Variants in RALGDS observed in about 807,000 individuals in gnomAD.
The protein encoded by RALGDS is ral guanine nucleotide exchange factor.
In RALGDS, 44 loss-of-function variants were observed where a neutral mutation model predicts 99.8. The observed-to-expected ratio is 0.44, with a 90% CI of 0.35 to 0.57. The LOEUF (loss-of-function observed/expected upper bound fraction) is 0.57. Among genes scored for constraint, RALGDS ranks in the 20% least tolerant of loss-of-function variants. The probability of loss-of-function intolerance (pLI) is 0.01; values close to 1 mark genes in which losing one functional copy is unlikely to be tolerated. For missense variants in RALGDS, 1,022 were observed against 1,203.1 expected, an observed-to-expected ratio of 0.85 and a Z score of 2.23; for synonymous variants, 529 against 505.0, an observed-to-expected ratio of 1.05 and a Z score of -0.64.
intron 8 of RALGDS, among the ~76,000 whole-genome samples, chr9:133,106,282 G>C (rs1831050490): frequency 1.3e-5 from 2 of 152,094 alleles, no homozygotes; most frequent in African/African-American, 4.8e-5. Flanking sequence ...AGGCTGGAGT[G>C]CAGTGGCCAG....
At chr9:133,149,023 G>A in exon 1 of RALGDS, 4 of 1,523,516 alleles carry the variant, frequency 2.6e-6, no homozygotes, top group Admixed American at 2.0e-5. Context: ...GGCGGGACCC[G>A]GGGCTCGCAG....
At position 133,106,667 on chromosome 9, in the gene RALGDS, T is replaced by C; in HGVS notation, c.1495A>G (p.Lys499Glu). ...CACCTGGAAACGTCTTCCCACGTCT[T>C]CTTCAGACGGTGGATGGAGTTGCTC... is the stretch of plus-strand genomic sequence containing the variant. ...LQSNSIHRLK[K>E]TWEDVSRDSF... Residue 499 changes from lysine to glutamate, a missense_variant, in exon 8 of 18, where the codon AAG (lysine) becomes GAG (glutamate). By Grantham distance (56) the Lys-to-Glu change is moderately conservative (BLOSUM62 1). This residue lies in a region of RALGDS where 825 missense variants were observed against 994.5 expected (regional missense o/e 0.83). Transcript: ENST00000372050. The C allele has an allele frequency of 6.2e-7, 1 of 1,611,456 alleles. No homozygotes were observed. The highest frequency in any genetic ancestry group is 1.7e-4 in the Middle Eastern group (1 of 6,056).
chr9:133,110,433 C>T lies in RALGDS; in HGVS notation c.351G>A (p.Lys117=). The change falls in exon 3 of 18, where the codon AAG becomes AAA. Residue 117 remains lysine, a synonymous_variant. Coordinates refer to ENST00000372050, the MANE Select transcript of RALGDS (RefSeq NM_006266.4). ...CCACCAGCTTCTCCAGCGTGCCAGC[C>T]TTCACGGTCCGCACCTTGCAAGTCT... ...LYETCKVRTV[K]AGTLEKLVEH... 2 of 1,613,538 alleles carry T rather than the reference C, an allele frequency of 1.2e-6. No homozygotes were observed. The highest frequency in any genetic ancestry group is 1.7e-6 in the Non-Finnish European group (2 of 1,179,938).
At chr9:133,130,845 C>A in intron 1 of RALGDS, 1 of 1,101,584 alleles carries the variant, frequency 9.1e-7, no homozygotes, top group Admixed American at 2.3e-5. Flanking sequence ...AGCTTGCAGA[C>A]GCTCCTTCCA....
intron 9 of RALGDS, among the ~76,000 whole-genome samples, chr9:133,105,232 TCACTGACCGGGTATGCCAGGGG>T (rs1390046537): frequency 1.3e-5 from 2 of 152,168 alleles, no homozygotes; most frequent in African/African-American, 2.4e-5. Flanking sequence ...AGATGCCATT[TCACTGACCGGGTATGCCAGGGG>T]CACCAGGCAG....
At chr9:133,137,015 ACT>A in intron 1 of RALGDS, among the ~76,000 whole-genome samples, 1 of 152,028 alleles carries the variant, frequency 6.6e-6, no homozygotes, top group East Asian at 1.9e-4. Context: ...CGGGCGGATC[ACT>A]TGAGCTCAGG....
In RALGDS at chr9:133,121,039, A is replaced by G; in HGVS notation, c.116T>C (p.Val39Ala). The G allele has an allele frequency of 6.7e-7, 1 of 1,494,554 alleles. No homozygotes were observed. The highest frequency in any genetic ancestry group is 8.9e-7 in the Non-Finnish European group (1 of 1,128,490). 92.6% of individuals were successfully genotyped at this position (1,494,554 alleles called of 1,614,324 possible). The change falls in exon 1 of 18, where the codon GTC becomes GCC. Residue 39 changes from valine to alanine, a missense_variant. Physicochemically the swap from Val to Ala is moderately conservative, Grantham distance 64. This residue lies in a region of RALGDS where 180 missense variants were observed against 169.3 expected (regional missense o/e 1.06). Coordinates refer to ENST00000372050, the MANE Select transcript of RALGDS (RefSeq NM_006266.4). Reference sequence around the variant, plus strand: ...CAGCACCACCGGGCAGCTGTCGGGGACGCCCACCTCCAGGCGCACGGCGTC... The same window carrying G: ...CAGCACCACCGGGCAGCTGTCGGGGGCGCCCACCTCCAGGCGCACGGCGTC... ...VWDAVRLEVGVPDSCPVVLHS... is the reference protein window; with the variant it reads ...VWDAVRLEVGAPDSCPVVLHS...
rs768106171 is a variant in RALGDS, at chr9:133,102,886, G to A, written c.1806C>T (p.Ile602=). 19 of 1,613,226 alleles carry A rather than the reference G, an allele frequency of 1.2e-5. No homozygotes were observed. Among genetic ancestry groups the A allele is most frequent in the Middle Eastern group, 1.6e-4 (1 of 6,084 alleles). The change falls in exon 13 of 18, where the codon ATC becomes ATT. Residue 602 remains isoleucine (I), a synonymous_variant. Transcript: ENST00000372050. Reference sequence around the variant, plus strand: ...CCGACTGCAGCAGCTTGATCTGGGCGATCACCTCGAACTCCTGGGGCCAGA... The same window carrying A: ...CCGACTGCAGCAGCTTGATCTGGGCAATCACCTCGAACTCCTGGGGCCAGA... ...FEKRRKEFEV[I]AQIKLLQSAC...
Position 133,104,193 on chromosome 9 carries a change from G to C in RALGDS, c.1671+70C>G. The C allele has an allele frequency of 4.0e-6, 6 of 1,491,586 alleles. No homozygotes were observed. In the South Asian group the frequency reaches 6.8e-5, roughly 17 times the overall value. 92.4% of individuals were successfully genotyped at this position (1,491,586 alleles called of 1,614,324 possible). Reference sequence around the variant, plus strand: ...ATGGGGCCCATAGGCACCGTGGCTAGAGAGGAAAGGGCCCTCCTCCCTACC... The same window carrying C: ...ATGGGGCCCATAGGCACCGTGGCTACAGAGGAAAGGGCCCTCCTCCCTACC... On this transcript the variant is annotated intron_variant, in intron 10 of 17. Transcript: ENST00000372050.
chr9:133,131,565 C>T (rs1245164834), upstream of RALGDS, among the ~76,000 whole-genome samples: 1 of 152,090 alleles, frequency 6.6e-6, no homozygotes, highest in African/African-American at 2.4e-5. Context: ...CTCCAACACC[C>T]CTGTCTTAAT....
At chr9:133,136,703 C>A (rs540729443) in intron 1 of RALGDS, among the ~76,000 whole-genome samples, 1 of 152,062 alleles carries the variant, frequency 6.6e-6, no homozygotes, top group South Asian at 2.1e-4. Flanking sequence ...ACCTGGGAGG[C>A]AGAGGTTGCA....
intron 1 of RALGDS, among the ~76,000 whole-genome samples, chr9:133,120,428 A>ACCCCCCCC (rs71378548): frequency 3.3e-4 from 20 of 59,988 alleles, no homozygotes; most frequent in South Asian, 8.1e-4. Flanking sequence ...CCATCCCCCG[A>ACCCCCCCC]CCCCCCCCCC....
At chr9:133,128,725 G>T (rs560482919) in intron 1 of RALGDS, among the ~76,000 whole-genome samples, 2 of 152,270 alleles carry the variant, frequency 1.3e-5, no homozygotes, top group African/African-American at 4.8e-5. Flanking sequence ...ACCTCCTGGG[G>T]CCTCAATTTC....
upstream of RALGDS, among the ~76,000 whole-genome samples, chr9:133,131,570 C>A (rs891582904): frequency 6.6e-6 from 1 of 152,106 alleles, no homozygotes; most frequent in Non-Finnish European, 1.5e-5. Context: ...ACACCCCTGT[C>A]TTAATGCAGC....
chr9:133,125,811 G>C (rs1307282670), upstream of RALGDS, among the ~76,000 whole-genome samples: 1 of 152,110 alleles, frequency 6.6e-6, no homozygotes, highest in Non-Finnish European at 1.5e-5. Flanking sequence ...CCTCCAGAGA[G>C]GGCTACAAAC....
intron 9 of RALGDS, among the ~76,000 whole-genome samples, chr9:133,104,789 G>A (rs1242749418): frequency 6.6e-6 from 1 of 152,176 alleles, no homozygotes; most frequent in Non-Finnish European, 1.5e-5. Context: ...TCCAGCCTGG[G>A]AGACAGAGCG....
At chr9:133,143,808 A>G (rs1190960508) in intron 1 of RALGDS, among the ~76,000 whole-genome samples, 2 of 144,550 alleles carry the variant, frequency 1.4e-5, no homozygotes, top group East Asian at 3.9e-4. Context: ...TAATAATAAT[A>G]ATAATAATAA....
chr9:133,136,315 C>T (rs375162671), intron 1 of RALGDS, among the ~76,000 whole-genome samples: 48 of 152,324 alleles, frequency 3.2e-4, no homozygotes, highest in East Asian at 2.3e-3. Flanking sequence ...GGGGGCAGCG[C>T]GGGTATGGAT....
intron 1 of RALGDS, among the ~76,000 whole-genome samples, chr9:133,147,858 T>C (rs1407854806): frequency 6.6e-6 from 1 of 152,116 alleles, no homozygotes; most frequent in African/African-American, 2.4e-5. Context: ...AGAAGCTTCA[T>C]TTGCTCCCCT....
Sources: allele counts gnomAD v4.1 joint callset (sites outside exome capture counted in the v4.1 genomes callset), GRCh38; gene constraint gnomAD v4.1.1; regional missense constraint gnomAD v4.1.1; transcripts MANE v1.5; gene names NCBI Gene and HGNC (gene_info 2026-07-23, HGNC 2026-07-21).